GREM2: variants seen among roughly 807,000 people sequenced by gnomAD.
The protein encoded by GREM2 is gremlin 2, DAN family BMP antagonist, also known as gremlin-2.
Under a neutral mutation model 14.2 loss-of-function variants are expected in GREM2, and 11 were observed. The ratio of observed to expected loss-of-function variants is 0.78; its 90% confidence interval spans 0.49 to 1.28. GREM2 has a LOEUF of 1.28. Ranked by LOEUF, GREM2 falls within the 50% of genes most tolerant of loss-of-function variation. GREM2 has a pLI of 0.00. For missense variants in GREM2, 210 were observed against 218.5 expected (o/e 0.96, Z 0.24); for synonymous variants, 98 against 97.6 (o/e 1.00, Z -0.02).
intron 1 of GREM2, among the ~76,000 whole-genome samples, chr1:240,573,371 AT>A (rs150867967): frequency 2.6e-5 from 4 of 151,884 alleles, no homozygotes; most frequent in Non-Finnish European, 4.4e-5. Flanking sequence ...AGTATTACTG[AT>A]TTTTTTTCTT....
chr1:240,604,377 A>G (rs1294163890), intron 1 of GREM2, among the ~76,000 whole-genome samples: 1 of 151,772 alleles, frequency 6.6e-6, no homozygotes, highest in East Asian at 1.9e-4. Flanking sequence ...TCCTGTTTAT[A>G]AGGGACTAAA....
chr1:240,557,083 T>C (rs1678963248), intron 1 of GREM2, among the ~76,000 whole-genome samples: 1 of 151,542 alleles, frequency 6.6e-6, no homozygotes, highest in African/African-American at 2.4e-5. Context: ...GGTAGGAGAA[T>C]TGCTTGACCC....
In GREM2 at chr1:240,542,907, C is replaced by A. The variant is rs1460601878; in HGVS notation, c.-1-49431G>T. Among the ~76,000 whole-genome samples, 1 of 152,200 alleles carries A rather than the reference C, an allele frequency of 6.6e-6. No individual in the cohort carries two copies. Among genetic ancestry groups the A allele is most frequent in the Non-Finnish European group, 1.5e-5 (1 of 68,038 alleles). On this transcript the variant is annotated intron_variant, in intron 1 of 1. Coordinates refer to ENST00000318160, the MANE Select transcript of GREM2 (RefSeq NM_022469.4). This position sits in a 1 kb window ranked among gnomAD's most constrained non-coding sequence, Gnocchi z 4.1. ...ATTCTTGGAAAATTATTGATCCTCT[C>A]TGAGAAAGAAAGAGCTCTCTCCACT...
chr1:240,506,896 G>C (rs1677686019), intron 1 of GREM2, among the ~76,000 whole-genome samples: 1 of 152,192 alleles, frequency 6.6e-6, no homozygotes. Flanking sequence ...GTGGTGATGG[G>C]GCTAGGGGTG....
At chr1:240,596,935 T>C (rs1317652561) in intron 1 of GREM2, among the ~76,000 whole-genome samples, 1 of 152,184 alleles carries the variant, frequency 6.6e-6, no homozygotes, top group Non-Finnish European at 1.5e-5. Context: ...ACTTTCTCCG[T>C]CCTGCATTCT....
chr1:240,566,418 T>C (rs1679178101), intron 1 of GREM2, among the ~76,000 whole-genome samples: 1 of 152,170 alleles, frequency 6.6e-6, no homozygotes, highest in Admixed American at 6.6e-5. Flanking sequence ...CCCAGCTTAC[T>C]GCTTTGAGAG....
Position 240,540,560 on chromosome 1 carries a change from G to A in GREM2, c.-1-47084C>T, listed in dbSNP as rs372611793. On this transcript the variant is annotated intron_variant, in intron 1 of 1. Coordinates refer to ENST00000318160, the MANE Select transcript of GREM2 (RefSeq NM_022469.4). This position sits in a 1 kb window ranked among gnomAD's most constrained non-coding sequence, Gnocchi z 4.2. ...ACAGCATGTAAGTCAAAAGAAGAAT[G>A]GTACTTCTTTTTTTTTTTTTTGAGA... Among the ~76,000 whole-genome samples, 117 of 151,712 alleles carry A rather than the reference G, an allele frequency of 7.7e-4. No individual in the cohort carries two copies. The highest frequency in any genetic ancestry group is 2.8e-3 in the African/African-American group (116 of 41,236).
At chr1:240,579,853 A>G (rs1414535501) in intron 1 of GREM2, among the ~76,000 whole-genome samples, 7 of 152,210 alleles carry the variant, frequency 4.6e-5, no homozygotes, top group Middle Eastern at 3.2e-3. Context: ...AAAAATTAAA[A>G]GATGGAAGAC....
intron 1 of GREM2, among the ~76,000 whole-genome samples, chr1:240,567,047 A>G (rs991612904): frequency 6.6e-6 from 1 of 152,218 alleles, no homozygotes; most frequent in Non-Finnish European, 1.5e-5. Flanking sequence ...GAAAACTACA[A>G]TAGCTGAGAT....
chr1:240,548,182 G>C (rs1678777492), intron 1 of GREM2, among the ~76,000 whole-genome samples: 1 of 152,068 alleles, frequency 6.6e-6, no homozygotes, highest in African/African-American at 2.4e-5. Context: ...GGCTGAGGCA[G>C]GAGAATCACT....
At chr1:240,503,339 T>C (rs948791120) in intron 1 of GREM2, among the ~76,000 whole-genome samples, 21 of 152,206 alleles carry the variant, frequency 1.4e-4, no homozygotes, top group Admixed American at 9.8e-4. Flanking sequence ...GTTACCACTT[T>C]GGTTTAGATC....
At chr1:240,589,202 G>C (rs538833424) in intron 1 of GREM2, 1 of 152,250 alleles carries the variant, frequency 6.6e-6, no homozygotes, top group African/African-American at 2.4e-5. Flanking sequence ...TTGGGAGGCC[G>C]AGGCGGGCAG....
chr1:240,532,646 TAGATAGATAG>T (rs1558152024), intron 1 of GREM2, among the ~76,000 whole-genome samples: 23 of 39,322 alleles, frequency 5.8e-4, no homozygotes, highest in Admixed American at 1.8e-3. Flanking sequence ...TATATATAGA[TAGATAGATAG>T]ATAGATAGAT....
intron 1 of GREM2, among the ~76,000 whole-genome samples, chr1:240,508,118 C>T (rs909972283): frequency 6.6e-6 from 1 of 152,158 alleles, no homozygotes; most frequent in Non-Finnish European, 1.5e-5. Flanking sequence ...CCTCCAAATA[C>T]CTAACTTACT....
At chr1:240,499,254 T>A (rs1677509740) in intron 1 of GREM2, among the ~76,000 whole-genome samples, 2 of 152,246 alleles carry the variant, frequency 1.3e-5, no homozygotes, top group Admixed American at 6.5e-5. Context: ...GCTAAGCTGA[T>A]GAACTCACTC....
intron 1 of GREM2, among the ~76,000 whole-genome samples, chr1:240,560,369 G>A (rs193119108): frequency 5.3e-5 from 8 of 152,202 alleles, no homozygotes; most frequent in Non-Finnish European, 1.2e-4. Context: ...ATGACCTTGA[G>A]GACACCCAGA....
Position 240,492,760 on chromosome 1 carries a change from A to C in GREM2, c.*209T>G. The C allele has an allele frequency of 5.1e-6, 2 of 392,418 alleles. No homozygotes were observed. The highest frequency in any genetic ancestry group is 8.4e-6 in the Non-Finnish European group (2 of 236,936). 24.3% of individuals were successfully genotyped at this position (392,418 alleles called of 1,614,324 possible). A position where few individuals can be genotyped will look rare whatever the true frequency, so the allele number is the denominator to read the frequency against. On this transcript the variant is annotated 3_prime_UTR_variant, in exon 2 of 2. Transcript: ENST00000318160. The stretch of plus-strand genomic sequence containing the variant: ...GCCTGGTTTAGGGGGCACAGGTGGG[A>C]CCCGGGGTCGGTCAGGAACACATCA...
intron 1 of GREM2, among the ~76,000 whole-genome samples, chr1:240,611,368 TA>T (rs1680131501): frequency 6.6e-6 from 1 of 152,164 alleles, no homozygotes; most frequent in African/African-American, 2.4e-5. Flanking sequence ...AGCGTAGTGA[TA>T]ATAGTGATAT....
chr1:240,512,992 C>G (rs1677867965), intron 1 of GREM2, among the ~76,000 whole-genome samples: 1 of 152,156 alleles, frequency 6.6e-6, no homozygotes, highest in South Asian at 2.1e-4. Flanking sequence ...AGATATGATC[C>G]TGTCTTTCCT....
Sources: allele counts gnomAD v4.1 joint callset (sites outside exome capture counted in the v4.1 genomes callset), GRCh38; gene constraint gnomAD v4.1.1; non-coding constraint Gnocchi (gnomAD v3.1); transcripts MANE v1.5; gene names NCBI Gene and HGNC (gene_info 2026-07-23, HGNC 2026-07-21).